CADPS2: variants seen among roughly 807,000 people sequenced by gnomAD.
CADPS2 encodes the protein calcium-dependent secretion activator 2.
In CADPS2, 93 loss-of-function variants were observed where a neutral mutation model predicts 172.5. That is an observed-to-expected ratio of 0.54 (90% CI 0.46 to 0.64). The LOEUF is 0.64. Ranked by LOEUF, CADPS2 falls within the 30% of genes least tolerant of loss-of-function variation. The probability of loss-of-function intolerance (pLI) is 0.00; values close to 1 mark genes in which losing one functional copy is unlikely to be tolerated. For missense variants in CADPS2, 1,420 were observed against 1,565.9 expected (o/e 0.91, Z 1.57); for synonymous variants, 546 against 555.2 (o/e 0.98, Z 0.23).
chr7:122,807,941 C>T (rs1799149672), intron 1 of CADPS2, among the ~76,000 whole-genome samples: 1 of 152,112 alleles, frequency 6.6e-6, no homozygotes, highest in Non-Finnish European at 1.5e-5. Context: ...ATTAAGACTT[C>T]AACAAATGAC....
intron 2 of CADPS2, among the ~76,000 whole-genome samples, chr7:122,719,918 T>G (rs1244549436): frequency 2.0e-5 from 3 of 152,040 alleles, no homozygotes; most frequent in Non-Finnish European, 4.4e-5. Context: ...TGTTGTAACA[T>G]AGAAAATACA....
intron 1 of CADPS2, among the ~76,000 whole-genome samples, chr7:122,864,352 T>C (rs1817744392): frequency 6.6e-6 from 1 of 152,110 alleles, no homozygotes; most frequent in Non-Finnish European, 1.5e-5. Flanking sequence ...TGGTGGCATG[T>C]GCCCATGGTT....
intron 8 of CADPS2, among the ~76,000 whole-genome samples, chr7:122,530,904 T>G (rs938275743): frequency 6.6e-6 from 1 of 152,140 alleles, no homozygotes; most frequent in Admixed American, 6.5e-5. Flanking sequence ...GAGAGGGACC[T>G]CCTGTGCTAG....
At chr7:122,679,738 C>T (rs1036323999) in intron 2 of CADPS2, among the ~76,000 whole-genome samples, 2 of 152,262 alleles carry the variant, frequency 1.3e-5, no homozygotes, top group African/African-American at 4.8e-5. Flanking sequence ...CTCTTTTGTA[C>T]TCTTTCCCTT....
intron 17 of CADPS2, among the ~76,000 whole-genome samples, chr7:122,432,162 G>C (rs2050021006): frequency 6.6e-6 from 1 of 152,118 alleles, no homozygotes; most frequent in African/African-American, 2.4e-5. Flanking sequence ...CCAGTGAAAA[G>C]AATGTGAAGA....
intron 2 of CADPS2, among the ~76,000 whole-genome samples, chr7:122,726,962 A>G (rs2091171469): frequency 6.6e-6 from 1 of 151,996 alleles, no homozygotes; most frequent in South Asian, 2.1e-4. Flanking sequence ...TTAATGAAGG[A>G]GTAATCCTGT....
intron 6 of CADPS2, among the ~76,000 whole-genome samples, chr7:122,591,118 G>C (rs2070728233): frequency 6.6e-6 from 1 of 151,958 alleles, no homozygotes; most frequent in Non-Finnish European, 1.5e-5. Flanking sequence ...TCCTTAAGCT[G>C]ATAAGCAACT....
At chr7:122,414,170 A>G in intron 18 of CADPS2, 94 bp from the exon 19 acceptor site, 1 of 786,582 alleles carries the variant, frequency 1.3e-6, no homozygotes, top group South Asian at 2.4e-5. Context: ...TAATAGTCCT[A>G]TATTTCAGTA....
At position 122,736,273 on chromosome 7, in the gene CADPS2, G is replaced by A. The variant is rs1396268950; in HGVS notation, c.453+682C>T. Reference sequence around the variant, plus strand: ...TTGTTTATTAGTCTAATATATATTCGCATATTATGCTTCTTCAGCTGAAAG... The same window carrying A: ...TTGTTTATTAGTCTAATATATATTCACATATTATGCTTCTTCAGCTGAAAG... On this transcript the variant is annotated intron_variant, in intron 2 of 29. Coordinates refer to ENST00000449022, the MANE Select transcript of CADPS2 (RefSeq NM_017954.11). Among the ~76,000 whole-genome samples the A allele has an allele frequency of 5.9e-5, 9 of 152,066 alleles. No homozygotes were observed. The South Asian group carries it at 1.5e-3, about 25-fold the overall frequency.
At chr7:122,534,642 C>T (rs1181860096) in intron 8 of CADPS2, among the ~76,000 whole-genome samples, 4 of 151,884 alleles carry the variant, frequency 2.6e-5, no homozygotes, top group Non-Finnish European at 5.9e-5. Flanking sequence ...ATAGGCCAGG[C>T]CTCAGATAGC....
At chr7:122,499,674 A>G (rs2059035950) in intron 9 of CADPS2, among the ~76,000 whole-genome samples, 1 of 152,172 alleles carries the variant, frequency 6.6e-6, no homozygotes, top group Admixed American at 6.5e-5. Flanking sequence ...ACATTTCAGA[A>G]AAGAAAAGAA....
At chr7:122,748,332 GCAGATGA>G (rs1353506265) in intron 1 of CADPS2, among the ~76,000 whole-genome samples, 1 of 152,140 alleles carries the variant, frequency 6.6e-6, no homozygotes, top group Non-Finnish European at 1.5e-5. Flanking sequence ...GCTCTGTTTT[GCAGATGA>G]TATCACTCTC....
chr7:122,813,161 A>T (rs1800465447), intron 1 of CADPS2, among the ~76,000 whole-genome samples: 1 of 152,108 alleles, frequency 6.6e-6, no homozygotes, highest in Non-Finnish European at 1.5e-5. Context: ...ATCCTAGAGA[A>T]AACTGCAAGC....
intron 20 of CADPS2, 118 bp from the exon 21 acceptor site, chr7:122,393,700 C>A: frequency 9.9e-7 from 1 of 1,011,358 alleles, no homozygotes; most frequent in Non-Finnish European, 1.5e-6. Flanking sequence ...TGATAAAATG[C>A]AGATGAGAGT....
At chr7:122,816,442 G>A (rs1287658775) in intron 1 of CADPS2, among the ~76,000 whole-genome samples, 1 of 152,032 alleles carries the variant, frequency 6.6e-6, no homozygotes, top group Admixed American at 6.6e-5. Context: ...ATTCATCAGT[G>A]GACATTTACG....
intron 28 of CADPS2, chr7:122,339,013 A>C (rs971129068): frequency 6.7e-6 from 1 of 149,680 alleles, no homozygotes; most frequent in African/African-American, 2.5e-5. Context: ...GATCATTCTC[A>C]CGTTGACCTC....
At chr7:122,858,232 T>TC (rs1815877373) in intron 1 of CADPS2, among the ~76,000 whole-genome samples, 2 of 152,056 alleles carry the variant, frequency 1.3e-5, no homozygotes, top group Admixed American at 1.3e-4. Flanking sequence ...GTTCTCCAAG[T>TC]CCCCACCCTA....
intron 1 of CADPS2, among the ~76,000 whole-genome samples, chr7:122,753,770 C>T (rs376818723): frequency 2.0e-5 from 3 of 152,156 alleles, no homozygotes; most frequent in African/African-American, 7.2e-5. Context: ...CATATAAACA[C>T]ACGAACGCTT....
At chr7:122,380,007 A>G (rs2042802880) in intron 24 of CADPS2, among the ~76,000 whole-genome samples, 1 of 152,156 alleles carries the variant, frequency 6.6e-6, no homozygotes, top group African/African-American at 2.4e-5. Flanking sequence ...ACAAAGGTGA[A>G]TAGATGGTAA....
Sources: gnomAD v4.1 joint callset for allele counts (sites outside exome capture counted in the v4.1 genomes callset) on GRCh38, gnomAD v4.1.1 for gene constraint, MANE v1.5 for transcripts, NCBI Gene and HGNC (gene_info 2026-07-23, HGNC 2026-07-21) for gene names.